GGTLC1: variants seen among roughly 807,000 people sequenced by gnomAD.
The protein encoded by GGTLC1 is gamma-glutamyltransferase light chain 1.
A neutral mutation model predicts 19.5 loss-of-function variants in GGTLC1; 14 were observed. The ratio of observed to expected loss-of-function variants is 0.72; its 90% CI spans 0.47 to 1.12. GGTLC1 has a LOEUF of 1.12. Among genes scored for constraint, GGTLC1 ranks in the 50% most tolerant of loss-of-function variants. GGTLC1 has a pLI of 0.00. For synonymous variants in GGTLC1, 110 were observed against 124.2 expected, an observed-to-expected ratio of 0.89 and a Z score of 0.76; for missense variants, 304 against 309.2, an observed-to-expected ratio of 0.98 and a Z score of 0.13.
intron 5 of GGTLC1, 34 bp downstream of exon 5, chr20:23,985,633 C>T: frequency 6.2e-7 from 1 of 1,611,414 alleles, no homozygotes; most frequent in Non-Finnish European, 8.5e-7. Flanking sequence ...TGGGGCCCCA[C>T]ACCGTGACTC....
chr20:23,987,506 T>C (rs201765338), intron 1 of GGTLC1, among the ~76,000 whole-genome samples: 2 of 151,992 alleles, frequency 1.3e-5, no homozygotes, highest in East Asian at 1.9e-4. Context: ...TGATTTTGGA[T>C]ACTTCATCAG....
At position 23,986,531 on chromosome 20, in the gene GGTLC1, G is replaced by C. The variant is rs138035106; in HGVS notation, c.81C>G (p.Pro27=). The C allele has an allele frequency of 9.3e-5, 150 of 1,611,848 alleles. No homozygotes were observed. The highest frequency in any genetic ancestry group is 1.1e-4 in the Non-Finnish European group (134 of 1,179,856). ...DTTHPISYYK[P]EFYMPDDGGT... is the part of the protein sequence containing the mutation. The stretch of plus-strand genomic sequence containing the variant: ...CCCCGTCATCCGGCATGTAGAACTC[G>C]GGCTTGTAGTAGGAGATCGGGTGAG... The change falls in exon 2 of 6, where the codon CCC becomes CCG. Residue 27 remains proline (P), a synonymous_variant. Transcript: ENST00000335694.
In GGTLC1 at chr20:23,986,078, G is replaced by C; in HGVS notation, c.302C>G (p.Pro101Arg). 6.2e-7 allele frequency: 1 copy of C among 1,611,242 alleles called. No individual in the cohort carries two copies. Among genetic ancestry groups the C allele is most frequent in the Non-Finnish European group, 8.5e-7 (1 of 1,179,606 alleles). ...VPPSPANFIQ[P>R]GKQPLSSMCP... ...ACCCTCGGACCTCCACCCCATACCT[G>C]GCTGGATGAAATTGGCAGGTGAGGG... The change falls in exon 3 of 6, where the codon CCA becomes CGA. Residue 101 changes from proline to arginine, a missense_variant and splice_region_variant. Transcript: ENST00000335694.
chr20:23,985,526 C>T lies in GGTLC1; in HGVS notation c.531+141G>A, dbSNP rs142657499. On this transcript the variant is annotated intron_variant, in intron 5 of 5. Coordinates refer to ENST00000335694, the MANE Select transcript of GGTLC1 (RefSeq NM_178311.3). ...TCTCATTGGAGCAAGGGGTTTGGCC[C>T]TCATGGCACAGGGGCTCCAGATGGC... 14,299 of 1,588,912 alleles carry T rather than the reference C, an allele frequency of 9.0e-3. 96 individuals are homozygous for T. Among genetic ancestry groups the T allele is most frequent in the African/African-American group, 0.023 (1,741 of 74,452 alleles).
intron 1 of GGTLC1, 47 bp from the exon 2 acceptor site, chr20:23,986,692 A>G: frequency 3.8e-6 from 6 of 1,561,074 alleles, no homozygotes; most frequent in Non-Finnish European, 5.2e-6. Context: ...AGGTCTCAGA[A>G]GGCCCCTGAC....
At chr20:23,987,107 A>C (rs1388428915) in intron 1 of GGTLC1, among the ~76,000 whole-genome samples, 2 of 152,160 alleles carry the variant, frequency 1.3e-5, no homozygotes, top group African/African-American at 4.8e-5. Context: ...AGAGCCTGGA[A>C]TGTGGCCTAA....
At chr20:23,988,506 T>A (rs1453225316) in intron 1 of GGTLC1, 103 bp downstream of exon 1, 4 of 503,282 alleles carry the variant, frequency 7.9e-6, no homozygotes, top group Non-Finnish European at 1.0e-5. Flanking sequence ...TGGGCACCTG[T>A]TCCTCCCGCG....
chr20:23,987,711 C>A (rs565033471), intron 1 of GGTLC1, among the ~76,000 whole-genome samples: 1 of 151,560 alleles, frequency 6.6e-6, no homozygotes, highest in East Asian at 2.0e-4. Flanking sequence ...AGGATGGACC[C>A]GAAGGCCGAA....
In GGTLC1 at chr20:23,985,947, G is replaced by C. The variant is rs541165436; in HGVS notation, c.332C>G (p.Pro111Arg). ...GCCGTCCTGGCCCACCATGATCGTC[G>C]GGCACATGGACGAGAGCGGCTGCTT... ...PGKQPLSSMC[P>R]TIMVGQDGQV... Residue 111 changes from proline to arginine, a missense_variant, in exon 4 of 6, where the codon CCG (proline) becomes CGG (arginine). Pro to Arg is a moderately radical substitution (Grantham distance 103). Coordinates refer to ENST00000335694, the MANE Select transcript of GGTLC1 (RefSeq NM_178311.3). 2.5e-6 allele frequency: 4 copies of C among 1,611,940 alleles called. No homozygotes were observed. Among genetic ancestry groups the C allele is most frequent in the Admixed American group, 1.7e-5 (1 of 60,022 alleles).
At chr20:23,988,571 G>C (rs919203453) in intron 1 of GGTLC1, 38 bp downstream of exon 1, 11 of 967,292 alleles carry the variant, frequency 1.1e-5, no homozygotes, top group Non-Finnish European at 1.4e-5. Flanking sequence ...CCCCACGTCC[G>C]CCTCCCGCCA....
Position 23,986,483 on chromosome 20 carries a change from G to A in GGTLC1, c.129C>T (p.Val43=), listed in dbSNP as rs141107815. The A allele has an allele frequency of 7.8e-5, 125 of 1,611,938 alleles. No homozygotes were observed. The highest frequency in any genetic ancestry group is 6.4e-4 in the African/African-American group (48 of 74,962). Residue 43 remains valine (V), a synonymous_variant, in exon 2 of 6, where the codon GTC becomes GTT. Transcript: ENST00000335694. ...DDGGTAHLSV[V]AEDGSAVSAT... ...CGGACACAGCACTGCCGTCCTCTGC[G>A]ACCACAGACAGGTGAGCAGTGCCCC...
chr20:23,985,313 G>A lies in GGTLC1; in HGVS notation c.581C>T (p.Ser194Phe). The A allele has an allele frequency of 1.9e-6, 3 of 1,612,042 alleles. No individual in the cohort carries two copies. Among genetic ancestry groups the A allele is most frequent in the Non-Finnish European group, 1.7e-6 (2 of 1,179,872 alleles). The change falls in exon 6 of 6, where the codon TCC (serine) becomes TTC (phenylalanine). Residue 194 changes from serine to phenylalanine, a missense_variant. Transcript: ENST00000335694. ...ETRHHHTQITSTFIAVVQAIV... is the reference protein window; with the variant it reads ...ETRHHHTQITFTFIAVVQAIV... ...GGCTTGCACCACAGCAATGAAGGTG[G>A]ACGTGATCTGGGTGTGATGGTGCCG...
chr20:23,986,148 C>T lies in GGTLC1; in HGVS notation c.232G>A (p.Asp78Asn). ...VSGILLNNEMDDFSSTSITNE... is the reference protein window; with the variant it reads ...VSGILLNNEMNDFSSTSITNE... Reference sequence around the variant, plus strand: ...GTGATGCTGGTAGAGCTGAAGTCATCCATTTCATTATTGAGCAGGATCCCG... The same window carrying T: ...GTGATGCTGGTAGAGCTGAAGTCATTCATTTCATTATTGAGCAGGATCCCG... Residue 78 changes from aspartate (D) to asparagine (N), a missense_variant, in exon 3 of 6, where the codon GAT becomes AAT. Transcript: ENST00000335694. The T allele has an allele frequency of 1.2e-6, 2 of 1,613,720 alleles. No homozygotes were observed. Among genetic ancestry groups the T allele is most frequent in the Non-Finnish European group, 1.7e-6 (2 of 1,179,800 alleles).
In GGTLC1 at chr20:23,985,368, G is replaced by C. The variant is rs752144369; in HGVS notation, c.532-6C>G. 5.6e-6 allele frequency: 9 copies of C among 1,611,686 alleles called. No homozygotes were observed. The highest frequency in any genetic ancestry group is 7.6e-6 in the Non-Finnish European group (9 of 1,179,868). On this transcript the variant is annotated splice_region_variant and splice_polypyrimidine_tract_variant and intron_variant, in intron 5 of 5. Transcript: ENST00000335694. ...TCCAGGGCTGCAGTCACTTCCTGGG[G>C]GTGGGAGGAGAGGGGAAGCCTGAGC...
chr20:23,986,283 T>C, intron 2 of GGTLC1, 80 bp from the exon 3 acceptor site: 1 of 1,598,962 alleles, frequency 6.3e-7, no homozygotes, highest in Non-Finnish European at 8.5e-7. Flanking sequence ...GGCTCAAACA[T>C]ACTCACTGAG....
In GGTLC1 at chr20:23,985,798, G is replaced by A; in HGVS notation, c.418-18C>T. 6.2e-7 allele frequency: 1 copy of A among 1,612,048 alleles called. No individual in the cohort carries two copies. Among genetic ancestry groups the A allele is most frequent in the Non-Finnish European group, 8.5e-7 (1 of 1,179,854 alleles). On this transcript the variant is annotated intron_variant, in intron 4 of 5. Transcript: ENST00000335694. Reference sequence around the variant, plus strand: ...ATGATGGCCTGGGGCATGGGAGTGTGATCAGCATGGCTTGGGGGCTGTGCA... The same window carrying A: ...ATGATGGCCTGGGGCATGGGAGTGTAATCAGCATGGCTTGGGGGCTGTGCA...
chr20:23,985,127 A>C lies in GGTLC1; in HGVS notation c.*89T>G. ...TTTATTGTGCTGCTCTGCTGCTCAC[A>C]GGAGAAGCCTGTCCCCCAAAGTCCT... is the stretch of plus-strand genomic sequence containing the variant. On this transcript the variant is annotated 3_prime_UTR_variant, in exon 6 of 6. Transcript: ENST00000335694. 1 of 1,580,218 alleles carries C rather than the reference A, an allele frequency of 6.3e-7. No homozygotes were observed. The highest frequency in any genetic ancestry group is 8.6e-7 in the Non-Finnish European group (1 of 1,159,038).
In GGTLC1 at chr20:23,985,944, G is replaced by T; in HGVS notation, c.335C>A (p.Thr112Lys). The change falls in exon 4 of 6, where the codon ACG becomes AAG. Residue 112 changes from threonine to lysine, a missense_variant. Coordinates refer to ENST00000335694, the MANE Select transcript of GGTLC1 (RefSeq NM_178311.3). ...GKQPLSSMCP[T>K]IMVGQDGQVR... ...CTGGCCGTCCTGGCCCACCATGATC[G>T]TCGGGCACATGGACGAGAGCGGCTG... 1 of 1,611,976 alleles carries T rather than the reference G, an allele frequency of 6.2e-7. No homozygotes were observed. The highest frequency in any genetic ancestry group is 8.5e-7 in the Non-Finnish European group (1 of 1,179,864).
At chr20:23,986,251 C>T (rs1568598732) in intron 2 of GGTLC1, 48 bp from the exon 3 acceptor site, 7 of 1,593,584 alleles carry the variant, frequency 4.4e-6, no homozygotes, top group East Asian at 4.5e-5. Context: ...CTGGCCCAGC[C>T]TGGTCCCTAT....
Sources: gnomAD v4.1 joint callset for allele counts (sites outside exome capture counted in the v4.1 genomes callset) on GRCh38, gnomAD v4.1.1 for gene constraint, MANE v1.5 for transcripts, NCBI Gene and HGNC (gene_info 2026-07-23, HGNC 2026-07-21) for gene names.